The following CPVL variants were observed in gnomAD, a reference collection of about 807,000 sequenced individuals.
CPVL encodes the protein probable serine carboxypeptidase CPVL.
CPVL carries 51 observed loss-of-function variants against 63.7 expected under a neutral mutation model. That is an observed-to-expected ratio of 0.80 (90% CI 0.64 to 1.01). CPVL has a LOEUF of 1.01. CPVL is among the 50% of genes least tolerant of loss of function. The pLI, the probability that CPVL is intolerant of heterozygous loss-of-function variation, is 0.00. For missense variants in CPVL, 530 were observed against 573.1 expected (o/e 0.92, Z 0.77); for synonymous variants, 195 against 206.0 (o/e 0.95, Z 0.46).
intron 1 of CPVL, chr7:29,122,367 A>C (rs1789471672): frequency 6.6e-6 from 1 of 152,226 alleles, no homozygotes; most frequent in Non-Finnish European, 1.5e-5. Flanking sequence ...GATCTGGCTA[A>C]ACCTAACAGG....
At chr7:29,180,649 C>G (rs1367698804) in intron 5 of CPVL, among the ~76,000 whole-genome samples, 5 of 151,940 alleles carry the variant, frequency 3.3e-5, no homozygotes, top group Admixed American at 3.3e-4. Context: ...ACAAATTTGA[C>G]CAATTAAAAG....
At chr7:29,183,888 C>T (rs2128745831) in intron 4 of CPVL, among the ~76,000 whole-genome samples, 1 of 152,066 alleles carries the variant, frequency 6.6e-6, no homozygotes, top group Middle Eastern at 3.4e-3. Context: ...ATAAAAATTA[C>T]AAACAACAAT....
chr7:29,142,732 G>A (rs1792034418), intron 1 of CPVL, among the ~76,000 whole-genome samples: 2 of 151,870 alleles, frequency 1.3e-5, no homozygotes, highest in Admixed American at 1.3e-4. Flanking sequence ...CACCATGTTG[G>A]CCAGGCTGGT....
intron 5 of CPVL, among the ~76,000 whole-genome samples, chr7:29,157,836 TA>T (rs111855752): frequency 1.3e-3 from 190 of 148,906 alleles, no homozygotes; most frequent in Non-Finnish European, 2.4e-3. Flanking sequence ...AGGAGGATGC[TA>T]AAAAAAAAAT....
chr7:29,114,639 A>C (rs576071675), intron 2 of CPVL, among the ~76,000 whole-genome samples: 12 of 152,200 alleles, frequency 7.9e-5, no homozygotes, highest in South Asian at 2.1e-4. Flanking sequence ...CAAAAAAAAA[A>C]CATATATATA....
intron 3 of CPVL, among the ~76,000 whole-genome samples, chr7:29,110,469 G>A (rs188447188): frequency 1.0e-3 from 155 of 152,322 alleles, no homozygotes; most frequent in Admixed American, 9.5e-3. Flanking sequence ...GTGGCCCATA[G>A]GCTGGAGTGG....
intron 11 of CPVL, among the ~76,000 whole-genome samples, chr7:29,034,574 C>T (rs187369827): frequency 2.6e-5 from 4 of 152,258 alleles, no homozygotes; most frequent in South Asian, 2.1e-4. Flanking sequence ...CCTCCCCCTG[C>T]ACCCTCCTGA....
chr7:29,139,669 C>T (rs931733334), intron 1 of CPVL, among the ~76,000 whole-genome samples: 5 of 152,124 alleles, frequency 3.3e-5, no homozygotes, highest in African/African-American at 1.2e-4. Context: ...TTTGCAGACA[C>T]CAATGTTCAG....
chr7:29,111,079 A>C (rs559416608), intron 3 of CPVL, among the ~76,000 whole-genome samples: 1 of 152,260 alleles, frequency 6.6e-6, no homozygotes, highest in East Asian at 1.9e-4. Context: ...TCAGACTTCT[A>C]ATCTGCAGAA....
intron 12 of CPVL, among the ~76,000 whole-genome samples, chr7:29,026,306 G>A (rs1378723281): frequency 6.6e-6 from 1 of 151,956 alleles, no homozygotes; most frequent in Non-Finnish European, 1.5e-5. Flanking sequence ...AAACCTATAG[G>A]ATACAGCAAA....
intron 2 of CPVL, among the ~76,000 whole-genome samples, chr7:29,117,215 G>A (rs575634825): frequency 5.9e-5 from 9 of 152,292 alleles, no homozygotes; most frequent in Admixed American, 2.0e-4. Flanking sequence ...TACCAATCTT[G>A]ACATGGGAGG....
rs144887188 is a variant in CPVL, at chr7:29,064,785, C to T, written c.964-551G>A. ...CATCAGGTATATCTCCTAATGCTAT[C>T]CCTCCCCCCTACCCCCACCCCACAA... On this transcript the variant is annotated intron_variant, in intron 10 of 12. Coordinates refer to ENST00000265394, the MANE Select transcript of CPVL (RefSeq NM_031311.5). Among the ~76,000 whole-genome samples, 303 of 152,076 alleles carry T rather than the reference C, an allele frequency of 2.0e-3. 1 individual carries two copies. Among genetic ancestry groups the T allele is most frequent in the African/African-American group, 7.0e-3 (289 of 41,474 alleles).
At chr7:29,080,128 G>T (rs1784562512) in intron 7 of CPVL, among the ~76,000 whole-genome samples, 1 of 152,026 alleles carries the variant, frequency 6.6e-6, no homozygotes. Context: ...GGAGGCGAGA[G>T]GAGCAGAAAA....
upstream of CPVL, among the ~76,000 whole-genome samples, chr7:29,150,899 C>T (rs1024647220): frequency 2.0e-5 from 3 of 152,104 alleles, no homozygotes; most frequent in Admixed American, 6.5e-5. Flanking sequence ...TCTTAAGGAA[C>T]GAAGCCAGAT....
At chr7:29,005,125 C>G (rs1165631362) in intron 12 of CPVL, among the ~76,000 whole-genome samples, 1 of 152,000 alleles carries the variant, frequency 6.6e-6, no homozygotes, top group African/African-American at 2.4e-5. Context: ...GTCTCAAACT[C>G]CTGGGCTCAA....
intron 2 of CPVL, among the ~76,000 whole-genome samples, chr7:29,119,519 C>T (rs2128639069): frequency 6.7e-6 from 1 of 148,548 alleles, no homozygotes; most frequent in East Asian, 2.0e-4. Flanking sequence ...AGAGCAGATG[C>T]AGGTCATAAA....
intron 11 of CPVL, among the ~76,000 whole-genome samples, chr7:29,063,151 G>T (rs1324851470): frequency 6.6e-6 from 1 of 152,156 alleles, no homozygotes; most frequent in Non-Finnish European, 1.5e-5. Context: ...AACCTCCAGG[G>T]CTCCTTTTCT....
chr7:29,189,926 G>T (rs543300139), intron 1 of CPVL, among the ~76,000 whole-genome samples: 4 of 152,276 alleles, frequency 2.6e-5, no homozygotes, highest in Admixed American at 6.5e-5. Flanking sequence ...ATGTGAACTG[G>T]GAATTGGGTA....
chr7:29,021,741 C>T (rs1786998769), intron 12 of CPVL, among the ~76,000 whole-genome samples: 1 of 151,876 alleles, frequency 6.6e-6, no homozygotes, highest in South Asian at 2.1e-4. Context: ...CACACTGGGT[C>T]CCACACATCC....
Sources: gnomAD v4.1 joint callset for allele counts (sites outside exome capture counted in the v4.1 genomes callset) on GRCh38, gnomAD v4.1.1 for gene constraint, MANE v1.5 for transcripts, NCBI Gene and HGNC (gene_info 2026-07-23, HGNC 2026-07-21) for gene names.